HPS3: variants seen among roughly 807,000 people sequenced by gnomAD.
The protein encoded by HPS3 is HPS3 biogenesis of lysosomal organelles complex 2 subunit 1, also known as BLOC-2 complex member HPS3.
HPS3 carries 79 observed loss-of-function variants against 110.9 expected under a neutral mutation model. The ratio of observed to expected loss-of-function variants is 0.71; its 90% CI spans 0.59 to 0.86. The LOEUF (loss-of-function observed/expected upper bound fraction) is 0.86, where lower values mean the gene tolerates loss of function less well. Among genes scored for constraint, HPS3 ranks in the 40% least tolerant of loss-of-function variants. The pLI, the probability that HPS3 is intolerant of heterozygous loss-of-function variation, is 0.00. For synonymous variants in HPS3, 428 were observed against 451.0 expected (o/e 0.95, Z 0.65); for missense variants, 1,197 against 1,206.2 (o/e 0.99, Z 0.11).
chr3:149,134,306 A>C (rs923393627), intron 1 of HPS3, among the ~76,000 whole-genome samples: 1 of 152,208 alleles, frequency 6.6e-6, no homozygotes, highest in African/African-American at 2.4e-5. Flanking sequence ...AAGGCATAAG[A>C]GTTCTCACTT....
intron 1 of HPS3, among the ~76,000 whole-genome samples, chr3:149,132,087 A>T (rs76409896): frequency 0.022 from 3,414 of 152,322 alleles, 140 homozygotes; most frequent in African/African-American, 0.078. Flanking sequence ...TCTCCATAAT[A>T]TAAAAGTGCA....
At position 149,148,570 on chromosome 3, in the gene HPS3, T is replaced by A. The variant is rs192854099; in HGVS notation, c.1164-2029T>A. 3.4e-3 allele frequency among the ~76,000 whole-genome samples: 516 copies of A among 151,714 alleles called. 2 individuals are homozygous for A. The highest frequency in any genetic ancestry group is 0.012 in the African/African-American group (500 of 41,390). On this transcript the variant is annotated intron_variant, in intron 5 of 16. Coordinates refer to ENST00000296051, the MANE Select transcript of HPS3 (RefSeq NM_032383.5). Reference sequence around the variant, plus strand: ...GGTGCCCATCACCATGCCCGGCTAATTTTTTTGTATTTTTAGTAGAGGCGG... The same window carrying A: ...GGTGCCCATCACCATGCCCGGCTAAATTTTTTGTATTTTTAGTAGAGGCGG...
chr3:149,167,744 G>T (rs946744377), intron 15 of HPS3, 149 bp from the exon 16 acceptor site: 4 of 671,006 alleles, frequency 6.0e-6, no homozygotes, highest in Admixed American at 2.4e-5. Flanking sequence ...ACTGGCTGCT[G>T]ATATAACTTA....
At position 149,140,145 on chromosome 3, in the gene HPS3, C is replaced by G; in HGVS notation, c.359C>G (p.Ala120Gly). 6.2e-7 allele frequency: 1 copy of G among 1,613,962 alleles called. No individual in the cohort carries two copies. Among genetic ancestry groups the G allele is most frequent in the South Asian group, 1.1e-5 (1 of 91,046 alleles). The change falls in exon 2 of 17, where the codon GCC becomes GGC. Residue 120 changes from alanine to glycine, a missense_variant. Ala to Gly is a moderately conservative substitution (Grantham distance 60). Transcript: ENST00000296051. The stretch of plus-strand genomic sequence containing the variant: ...AATGTGGAGGGACCATTCAGCAAAG[C>G]CTTCAGAGACCAGATGTACATTATT... ...GHNVEGPFSK[A>G]FRDQMYIIEM...
intron 4 of HPS3, among the ~76,000 whole-genome samples, chr3:149,144,425 T>G (rs938207120): frequency 1.3e-5 from 2 of 152,154 alleles, no homozygotes; most frequent in Admixed American, 1.3e-4. Flanking sequence ...CCACCAGATA[T>G]CCAGTAAGTG....
chr3:149,148,871 T>C (rs1722937247), intron 5 of HPS3, among the ~76,000 whole-genome samples: 1 of 152,012 alleles, frequency 6.6e-6, no homozygotes, highest in South Asian at 2.1e-4. Flanking sequence ...CTTTCTCTAG[T>C]ATACATTTCT....
intron 1 of HPS3, among the ~76,000 whole-genome samples, chr3:149,132,470 C>G (rs1239001158): frequency 6.6e-6 from 1 of 152,226 alleles, no homozygotes; most frequent in Admixed American, 6.5e-5. Context: ...ACATTGTTTA[C>G]TGAATATTTT....
At chr3:149,157,957 T>TC (rs1182689869) in intron 9 of HPS3, among the ~76,000 whole-genome samples, 1 of 152,190 alleles carries the variant, frequency 6.6e-6, no homozygotes, top group Non-Finnish European at 1.5e-5. Context: ...AGGACTTTTT[T>TC]CCCACCATCT....
chr3:149,157,581 G>A (rs377019850), intron 9 of HPS3, 50 bp downstream of exon 9: 38 of 1,552,494 alleles, frequency 2.4e-5, no homozygotes, highest in Non-Finnish European at 3.3e-5. Flanking sequence ...TTGAACTTTG[G>A]GTACACTTGT....
rs377101013 is a variant in HPS3, at chr3:149,145,556, G to A, written c.1163+10G>A. Reference sequence around the variant, plus strand: ...TGCACGTCATTACAAGGTACTGTTAGAGGGTCACTTGCTGGCCTGTGAGTC... The same window carrying A: ...TGCACGTCATTACAAGGTACTGTTAAAGGGTCACTTGCTGGCCTGTGAGTC... On this transcript the variant is annotated intron_variant, in intron 5 of 16. Transcript: ENST00000296051. 3.0e-5 allele frequency: 48 copies of A among 1,610,492 alleles called. No individual in the cohort carries two copies. Among genetic ancestry groups the A allele is most frequent in the Non-Finnish European group, 3.9e-5 (46 of 1,176,768 alleles).
intron 16 of HPS3, 185 bp downstream of exon 16, chr3:149,168,168 T>C: frequency 1.7e-6 from 1 of 585,068 alleles, no homozygotes; most frequent in Non-Finnish European, 3.1e-6. Flanking sequence ...TATCTCCTAG[T>C]CACAGAACTG....
intron 16 of HPS3, chr3:149,170,612 G>C (rs1431389810): frequency 6.6e-6 from 1 of 152,162 alleles, no homozygotes; most frequent in Non-Finnish European, 1.5e-5. Context: ...TCCCAAGTCT[G>C]TCTGGATTCC....
chr3:149,152,438 G>C (rs1033717656), intron 6 of HPS3, among the ~76,000 whole-genome samples: 2 of 152,190 alleles, frequency 1.3e-5, no homozygotes, highest in Non-Finnish European at 2.9e-5. Context: ...ATAAGGAGAG[G>C]TGGGCATCTG....
At chr3:149,134,950 T>C (rs1224151337) in intron 1 of HPS3, among the ~76,000 whole-genome samples, 1 of 152,166 alleles carries the variant, frequency 6.6e-6, no homozygotes, top group South Asian at 2.1e-4. Flanking sequence ...GGTATCCAGA[T>C]AACTTGTTTT....
intron 1 of HPS3, among the ~76,000 whole-genome samples, chr3:149,137,319 A>G (rs536190300): frequency 6.2e-4 from 95 of 152,356 alleles, no homozygotes; most frequent in Non-Finnish European, 1.1e-3. Context: ...ATAAAACAGA[A>G]ATTAACGTGT....
intron 14 of HPS3, chr3:149,166,117 A>G (rs1724390768): frequency 7.1e-6 from 3 of 420,976 alleles, no homozygotes; most frequent in African/African-American, 2.1e-5. Flanking sequence ...TCCTGGAGAA[A>G]GGGAAAGTGG....
intron 10 of HPS3, 88 bp from the exon 11 acceptor site, chr3:149,159,958 G>C (rs1723685454): frequency 2.2e-6 from 2 of 910,428 alleles, no homozygotes; most frequent in Non-Finnish European, 3.7e-6. Context: ...TTGTGTCTTG[G>C]CTTTTTGCAC....
At position 149,163,551 on chromosome 3, in the gene HPS3, A is replaced by G. The variant is rs191193374; in HGVS notation, c.2482-291A>G. 7.1e-4 allele frequency among the ~76,000 whole-genome samples: 108 copies of G among 152,354 alleles called. 1 individual carries two copies. The highest frequency in any genetic ancestry group is 2.6e-4 in the Admixed American group (4 of 15,300). ...AGTATTAATAAAAATTATTTCCAAT[A>G]TTCTTTTTAGGTATAATTGGCTTAA... is the stretch of plus-strand genomic sequence containing the variant. On this transcript the variant is annotated intron_variant, in intron 13 of 16. Coordinates refer to ENST00000296051, the MANE Select transcript of HPS3 (RefSeq NM_032383.5).
In HPS3 at chr3:149,145,480, T is replaced by A; in HGVS notation, c.1097T>A (p.Val366Asp). 1 of 1,614,134 alleles carries A rather than the reference T, an allele frequency of 6.2e-7. No homozygotes were observed. Among genetic ancestry groups the A allele is most frequent in the South Asian group, 1.1e-5 (1 of 91,080 alleles). ...GTCAAATCTGTTGAATTGATGTCAG[T>A]CTACCAGTATCCTGAAAAGTCTCAG... ...MVVKSVELMS[V>D]YQYPEKSQQA... The change falls in exon 5 of 17, where the codon GTC becomes GAC. Residue 366 changes from valine to aspartate, a missense_variant. By Grantham distance (152) the Val-to-Asp change is radical (BLOSUM62 -3). Transcript: ENST00000296051.
Sources: gnomAD v4.1 joint callset for allele counts (sites outside exome capture counted in the v4.1 genomes callset) on GRCh38, gnomAD v4.1.1 for gene constraint, MANE v1.5 for transcripts, NCBI Gene and HGNC (gene_info 2026-07-23, HGNC 2026-07-21) for gene names.